Variants in SLAMF6 observed in about 807,000 individuals in gnomAD.
SLAMF6 encodes SLAM family member 6.
SLAMF6 carries 21 observed loss-of-function variants against 38.3 expected under a neutral mutation model. That is an observed-to-expected ratio of 0.55 (90% CI 0.39 to 0.79). SLAMF6 has a LOEUF of 0.79. Ranked by LOEUF, SLAMF6 falls within the 30% of genes least tolerant of loss-of-function variation. The pLI is 0.00. For missense variants in SLAMF6, 341 were observed against 385.3 expected (o/e 0.89, Z 0.96); for synonymous variants, 152 against 146.3 (o/e 1.04, Z -0.28).
chr1:160,498,029 G>T (rs935669784), intron 1 of SLAMF6, among the ~76,000 whole-genome samples: 1 of 152,076 alleles, frequency 6.6e-6, no homozygotes, highest in African/African-American at 2.4e-5. Context: ...TGGTAGCTCA[G>T]TTTTAAGTTT....
At chr1:160,487,973 G>T (rs952894409) in intron 6 of SLAMF6, among the ~76,000 whole-genome samples, 1 of 151,590 alleles carries the variant, frequency 6.6e-6, no homozygotes, top group Admixed American at 6.6e-5. Context: ...GCCTGTAGTC[G>T]CAGCTACTTG....
chr1:160,504,481 C>T (rs1196593896), intron 1 of SLAMF6, among the ~76,000 whole-genome samples: 1 of 152,184 alleles, frequency 6.6e-6, no homozygotes, highest in African/African-American at 2.4e-5. Flanking sequence ...GTCTTGAAGA[C>T]AGCCGTCTAC....
intron 1 of SLAMF6, among the ~76,000 whole-genome samples, chr1:160,516,541 G>T (rs1036034050): frequency 6.6e-6 from 1 of 152,108 alleles, no homozygotes; most frequent in African/African-American, 2.4e-5. Context: ...GGCTCATATA[G>T]CCAAGACAAT....
At chr1:160,519,719 T>A (rs1654900142) in intron 1 of SLAMF6, among the ~76,000 whole-genome samples, 1 of 151,782 alleles carries the variant, frequency 6.6e-6, no homozygotes, top group Non-Finnish European at 1.5e-5. Context: ...TGTGATTTCA[T>A]TTATATGAAA....
intron 1 of SLAMF6, among the ~76,000 whole-genome samples, chr1:160,508,006 A>G (rs1356275765): frequency 6.6e-6 from 1 of 152,164 alleles, no homozygotes; most frequent in East Asian, 1.9e-4. Context: ...ACAAAATAAA[A>G]TAGGACACAA....
chr1:160,498,844 G>A (rs1050472627), intron 1 of SLAMF6, among the ~76,000 whole-genome samples: 5 of 152,106 alleles, frequency 3.3e-5, no homozygotes, highest in Non-Finnish European at 5.9e-5. Flanking sequence ...CATGTTTGCT[G>A]AGTGCTTGTA....
At position 160,487,140 on chromosome 1, in the gene SLAMF6, A is replaced by C. The variant is rs75007822; in HGVS notation, c.915T>G (p.Thr305=). ...TEIWTPREND[T]ITIYSTINHS... ...GATTAATTGTGGAGTAAATTGTGAT[A>C]GTATCATTTTCTCTAGGTGTCCAGA... Residue 305 remains threonine (T), a synonymous_variant, in exon 7 of 8, where the codon ACT becomes ACG. Coordinates refer to ENST00000368057, the MANE Select transcript of SLAMF6 (RefSeq NM_001184714.2). 2.5e-6 allele frequency: 4 copies of C among 1,613,306 alleles called. No individual in the cohort carries two copies. In the South Asian group the frequency reaches 3.3e-5, roughly 13 times the overall value.
At chr1:160,494,071 T>G (rs1247516550) in intron 2 of SLAMF6, among the ~76,000 whole-genome samples, 1 of 152,190 alleles carries the variant, frequency 6.6e-6, no homozygotes, top group African/African-American at 2.4e-5. Context: ...TAATTGGTAT[T>G]GGCCCATAAA....
At chr1:160,488,104 A>T (rs1416030060) in intron 6 of SLAMF6, among the ~76,000 whole-genome samples, 1 of 151,668 alleles carries the variant, frequency 6.6e-6, no homozygotes, top group East Asian at 1.9e-4. Context: ...AAAAAAAAAA[A>T]ACCAAAAAAC....
Position 160,503,436 on chromosome 1 carries a change from C to A in SLAMF6, c.50-7043G>T, listed in dbSNP as rs112696414. On this transcript the variant is annotated intron_variant, in intron 1 of 7. Coordinates refer to ENST00000368057, the MANE Select transcript of SLAMF6 (RefSeq NM_001184714.2). ...TACCTTCAATGGGAAAATCCGCAATCACTTTTGCACCACACTAATAACTTT... is the reference window on the plus strand; with the variant it reads ...TACCTTCAATGGGAAAATCCGCAATAACTTTTGCACCACACTAATAACTTT... Among the ~76,000 whole-genome samples, 554 of 152,066 alleles carry A rather than the reference C, an allele frequency of 3.6e-3. 5 individuals are homozygous for A. Among genetic ancestry groups the A allele is most frequent in the African/African-American group, 0.013 (531 of 41,486 alleles).
chr1:160,489,162 C>T lies in SLAMF6; in HGVS notation c.805G>A (p.Ala269Thr), dbSNP rs929022872. The change falls in exon 6 of 8, where the codon GCA becomes ACA. Residue 269 changes from alanine (A) to threonine (T), a missense_variant. Physicochemically the swap from Ala to Thr is moderately conservative, Grantham distance 58. Transcript: ENST00000368057. The part of the protein sequence containing the change: ...TQRTQGPAES[A>T]RNLEYVSVSP... ...ACTGAAACATACTCTAGGTTCCTTG[C>T]GGACTCTGCTGTTAACATAGGAAGG... 9 of 1,613,684 alleles carry T rather than the reference C, an allele frequency of 5.6e-6. No homozygotes were observed. The highest frequency in any genetic ancestry group is 2.7e-5 in the African/African-American group (2 of 74,896).
chr1:160,494,967 G>A (rs1438118579), intron 2 of SLAMF6, among the ~76,000 whole-genome samples: 1 of 152,152 alleles, frequency 6.6e-6, no homozygotes, highest in East Asian at 1.9e-4. Context: ...AGAATCGCTT[G>A]TATAGAAGTT....
chr1:160,489,717 T>A (rs1027254982), intron 5 of SLAMF6, among the ~76,000 whole-genome samples: 1 of 152,154 alleles, frequency 6.6e-6, no homozygotes, highest in South Asian at 2.1e-4. Flanking sequence ...ATGTCATGCA[T>A]CACTCATGCA....
At chr1:160,499,784 C>G (rs530595246) in intron 1 of SLAMF6, among the ~76,000 whole-genome samples, 2 of 152,148 alleles carry the variant, frequency 1.3e-5, no homozygotes, top group African/African-American at 2.4e-5. Context: ...GTGCTCAGCT[C>G]CTGGGTGAGC....
At chr1:160,518,064 T>C (rs1234546346) in intron 1 of SLAMF6, among the ~76,000 whole-genome samples, 1 of 152,004 alleles carries the variant, frequency 6.6e-6, no homozygotes, top group East Asian at 1.9e-4. Context: ...AAATATTTTC[T>C]GAATATCTGT....
chr1:160,490,308 G>A, intron 4 of SLAMF6, 72 bp from the exon 5 acceptor site: 2 of 1,607,040 alleles, frequency 1.2e-6, no homozygotes, highest in Non-Finnish European at 1.7e-6. Flanking sequence ...AACCCCGTGA[G>A]TGTTGGGATG....
At chr1:160,495,122 T>A (rs1653505641) in intron 2 of SLAMF6, among the ~76,000 whole-genome samples, 1 of 152,184 alleles carries the variant, frequency 6.6e-6, no homozygotes, top group Non-Finnish European at 1.5e-5. Context: ...TGTGGAGACC[T>A]TTTATTTTAA....
intron 1 of SLAMF6, among the ~76,000 whole-genome samples, chr1:160,508,559 G>C (rs1654312074): frequency 6.6e-6 from 1 of 152,090 alleles, no homozygotes; most frequent in Non-Finnish European, 1.5e-5. Context: ...AAAAACTGTA[G>C]AAGAAAACCT....
chr1:160,489,120 T>C lies in SLAMF6; in HGVS notation c.847A>G (p.Thr283Ala). ...EYVSVSPTNN[T>A]VYASVTHSNR... ...GAATGAGTGACTGAAGCATACACAG[T>C]GTTGTTCGTTGGAGACACTGAAACA... is the stretch of plus-strand genomic sequence containing the variant. The change falls in exon 6 of 8, where the codon ACT becomes GCT. Residue 283 changes from threonine to alanine, a missense_variant. Transcript: ENST00000368057. 1 of 1,613,852 alleles carries C rather than the reference T, an allele frequency of 6.2e-7. No individual in the cohort carries two copies. Among genetic ancestry groups the C allele is most frequent in the Non-Finnish European group, 8.5e-7 (1 of 1,179,830 alleles).
Sources: gnomAD v4.1 joint callset for allele counts (sites outside exome capture counted in the v4.1 genomes callset) on GRCh38, gnomAD v4.1.1 for gene constraint, MANE v1.5 for transcripts, NCBI Gene and HGNC (gene_info 2026-07-23, HGNC 2026-07-21) for gene names.